AKNAD1: variants seen among roughly 807,000 people sequenced by gnomAD.
The protein encoded by AKNAD1 is AKNA domain containing 1, also known as protein AKNAD1.
Under a neutral mutation model 90.8 loss-of-function variants are expected in AKNAD1, and 67 were observed. The ratio of observed to expected loss-of-function variants is 0.74; its 90% CI spans 0.61 to 0.90. The LOEUF is 0.90. Among genes scored for constraint, AKNAD1 ranks in the 40% least tolerant of loss-of-function variants. AKNAD1 has a pLI of 0.00. For synonymous variants in AKNAD1, 327 were observed against 341.4 expected (o/e 0.96, Z 0.46); for missense variants, 957 against 975.4 (o/e 0.98, Z 0.25).
At chr1:108,817,848 C>A (rs955087885) in intron 14 of AKNAD1, among the ~76,000 whole-genome samples, 13 of 152,132 alleles carry the variant, frequency 8.5e-5, no homozygotes, top group African/African-American at 2.7e-4. Context: ...AAAACAAATA[C>A]ACAAAACTGC....
In AKNAD1 at chr1:108,848,761, G is replaced by A. The variant is rs764391949; in HGVS notation, c.1236C>T (p.Asp412=). The change falls in exon 5 of 16, where the codon GAC becomes GAT. Residue 412 remains aspartate, a synonymous_variant. Coordinates refer to ENST00000370001, the MANE Select transcript of AKNAD1 (RefSeq NM_152763.5). ...GGATAAAATTCATTACCAGCTTCTT[G>A]TCTTGCAAATGGTAAGGAGAGTCCT... The part of the protein sequence containing the change: ...IKQDSPYHLQ[D]KKLVLEKLQG... 6.2e-7 allele frequency: 1 copy of A among 1,606,252 alleles called. No homozygotes were observed. The highest frequency in any genetic ancestry group is 8.5e-7 in the Non-Finnish European group (1 of 1,178,148).
rs112639228 is a variant in AKNAD1 at position 108,820,492 on chromosome 1, A to T, written c.2249+53T>A. ...GTTAATGCACTATCAAGTACACTGT[A>T]TCCACCCAACCAATGAGAAATATTT... On this transcript the variant is annotated intron_variant, in intron 14 of 15. Transcript: ENST00000370001. The T allele has an allele frequency of 4.5e-5, 55 of 1,214,948 alleles. No homozygotes were observed. The African/African-American group carries it at 5.7e-4, about 13-fold the overall frequency. The allele number at this position is 1,214,948 out of a possible 1,614,324, so 75.3% of individuals were successfully genotyped here.
chr1:108,848,674 T>C, intron 5 of AKNAD1, 78 bp downstream of exon 5: 1 of 1,300,152 alleles, frequency 7.7e-7, no homozygotes, highest in African/African-American at 1.5e-5. Flanking sequence ...AGAGAAAACA[T>C]GGCACTATAA....
At chr1:108,830,938 T>C (rs985545155) in intron 9 of AKNAD1, among the ~76,000 whole-genome samples, 3 of 152,250 alleles carry the variant, frequency 2.0e-5, no homozygotes, top group African/African-American at 7.2e-5. Flanking sequence ...CTTCCTCCTC[T>C]AAACAGATTT....
intron 6 of AKNAD1, 56 bp downstream of exon 6, chr1:108,843,078 A>T (rs774384155): frequency 9.4e-6 from 15 of 1,590,238 alleles, no homozygotes; most frequent in Non-Finnish European, 1.3e-5. Context: ...TCAGAATCCC[A>T]CCTGAAGGAG....
intron 10 of AKNAD1, among the ~76,000 whole-genome samples, chr1:108,829,693 C>G (rs1664122605): frequency 6.6e-6 from 1 of 152,194 alleles, no homozygotes. Flanking sequence ...CAATGGAATG[C>G]TTTCTAACAG....
intron 13 of AKNAD1, among the ~76,000 whole-genome samples, chr1:108,822,380 T>C (rs749912007): frequency 3.3e-5 from 5 of 152,168 alleles, no homozygotes; most frequent in Non-Finnish European, 5.9e-5. Flanking sequence ...GATGAATCCA[T>C]TGCAGCCCTC....
intron 1 of AKNAD1, among the ~76,000 whole-genome samples, chr1:108,855,758 C>T (rs890176360): frequency 6.6e-6 from 1 of 151,776 alleles, no homozygotes; most frequent in Non-Finnish European, 1.5e-5. Flanking sequence ...TGTACTCCAG[C>T]CTGAGCAACA....
At chr1:108,836,482 G>A (rs1490733854) in intron 7 of AKNAD1, among the ~76,000 whole-genome samples, 3 of 152,100 alleles carry the variant, frequency 2.0e-5, no homozygotes, top group African/African-American at 7.2e-5. Context: ...CGGGGGATTG[G>A]GGGGCTTGGG....
chr1:108,845,180 G>A (rs1570821558), intron 5 of AKNAD1, among the ~76,000 whole-genome samples: 2 of 152,114 alleles, frequency 1.3e-5, no homozygotes, highest in South Asian at 4.2e-4. Context: ...CTAAAGGGTA[G>A]ATAAAAAGCG....
At chr1:108,850,342 C>T (rs1664812685) in intron 2 of AKNAD1, among the ~76,000 whole-genome samples, 2 of 152,172 alleles carry the variant, frequency 1.3e-5, no homozygotes, top group South Asian at 4.1e-4. Flanking sequence ...AAATCAGATA[C>T]CTGACCTCGA....
chr1:108,823,222 A>G, intron 13 of AKNAD1, 148 bp downstream of exon 13: 1 of 735,802 alleles, frequency 1.4e-6, no homozygotes, highest in Non-Finnish European at 2.5e-6. Flanking sequence ...TGGATTTGGA[A>G]GTGTCAGGTG....
Position 108,851,796 on chromosome 1 carries a change from G to C in AKNAD1, c.869C>G (p.Ser290Cys). ...LAIAKQASFS[S>C]KSRDKPTLVQ... ...AAGAGTGGGTTTATCTCTCGACTTGGAAGAAAAGCTGGCTTGTTTAGCTAT... is the reference window on the plus strand; with the variant it reads ...AAGAGTGGGTTTATCTCTCGACTTGCAAGAAAAGCTGGCTTGTTTAGCTAT... Residue 290 changes from serine (S) to cysteine (C), a missense_variant, in exon 2 of 16, where the codon TCC becomes TGC. Coordinates refer to ENST00000370001, the MANE Select transcript of AKNAD1 (RefSeq NM_152763.5). The C allele has an allele frequency of 6.2e-7, 1 of 1,614,146 alleles. No individual in the cohort carries two copies. Among genetic ancestry groups the C allele is most frequent in the Non-Finnish European group, 8.5e-7 (1 of 1,180,024 alleles).
In AKNAD1 at chr1:108,823,606, A is replaced by G; in HGVS notation, c.2019T>C (p.Ile673=). The change falls in exon 12 of 16, where the codon ATT becomes ATC. Residue 673 remains isoleucine (I), a synonymous_variant. Transcript: ENST00000370001. ...TCCTGCAGGCTCTTCGGGAGGTAGG[A>G]ATCTTAGTGCCACAGTCCTGACATT... ...SNKCQDCGTK[I]PTSRRACRKE... 1 of 1,614,158 alleles carries G rather than the reference A, an allele frequency of 6.2e-7. No homozygotes were observed.
rs570240235 is a variant in AKNAD1, at chr1:108,826,757, T to C, written c.1936+448A>G. Among the ~76,000 whole-genome samples the C allele has an allele frequency of 4.8e-5, 7 of 145,708 alleles. No individual in the cohort carries two copies. The South Asian group carries it at 1.6e-3, about 32-fold the overall frequency. ...TTTTCTTTTTCTTTTTTTTTTTTTT[T>C]GAAACAGGGTCCTACTCTGTCGCCC... On this transcript the variant is annotated intron_variant, in intron 11 of 15. Coordinates refer to ENST00000370001, the MANE Select transcript of AKNAD1 (RefSeq NM_152763.5).
Position 108,816,177 on chromosome 1 carries a change from T to G in AKNAD1, c.2505A>C (p.Lys835Asn), listed in dbSNP as rs145949871. ...AKAQRWRNRL[K>N]Y ...TTGGTAGCCTAGCGTTGAACTAGTATTTCAGTCGATTCCTCCACCTCTGTG... is the reference window on the plus strand; with the variant it reads ...TTGGTAGCCTAGCGTTGAACTAGTAGTTCAGTCGATTCCTCCACCTCTGTG... Residue 835 changes from lysine to asparagine, a missense_variant, in exon 16 of 16, where the codon AAA (lysine) becomes AAC (asparagine). Lys to Asn is a moderately conservative substitution (Grantham distance 94, BLOSUM62 0). Coordinates refer to ENST00000370001, the MANE Select transcript of AKNAD1 (RefSeq NM_152763.5). 153 of 1,604,424 alleles carry G rather than the reference T, an allele frequency of 9.5e-5. No individual in the cohort carries two copies. Among genetic ancestry groups the G allele is most frequent in the Non-Finnish European group, 1.2e-4 (141 of 1,176,714 alleles).
intron 14 of AKNAD1, among the ~76,000 whole-genome samples, chr1:108,818,764 C>G (rs913963984): frequency 6.6e-6 from 1 of 151,682 alleles, no homozygotes; most frequent in Non-Finnish European, 1.5e-5. Context: ...AGAGTTGGAG[C>G]CCAGCCTGGT....
chr1:108,851,967 G>C lies in AKNAD1; in HGVS notation c.698C>G (p.Pro233Arg). 6.2e-7 allele frequency: 1 copy of C among 1,614,130 alleles called. No individual in the cohort carries two copies. Among genetic ancestry groups the C allele is most frequent in the Non-Finnish European group, 8.5e-7 (1 of 1,180,028 alleles). ...DKQKSYQGQS[P>R]QKQQTEKANS... ...TGCTTTTTCAGTCTGCTGTTTCTGG[G>C]GTGACTGCCCTTGATAACTTTTTTG... is the stretch of plus-strand genomic sequence containing the variant. The change falls in exon 2 of 16, where the codon CCC becomes CGC. Residue 233 changes from proline to arginine, a missense_variant. Transcript: ENST00000370001.
upstream of AKNAD1, chr1:108,857,915 T>G (rs1300397536): frequency 6.6e-6 from 1 of 152,334 alleles, no homozygotes; most frequent in East Asian, 1.9e-4. Context: ...ATGTGAATAG[T>G]GTACATCTAA....
Sources: gnomAD v4.1 joint callset for allele counts (sites outside exome capture counted in the v4.1 genomes callset) on GRCh38, gnomAD v4.1.1 for gene constraint, MANE v1.5 for transcripts, NCBI Gene and HGNC (gene_info 2026-07-23, HGNC 2026-07-21) for gene names.